Variants in NRG1 observed in about 807,000 individuals in gnomAD.
The protein encoded by NRG1 is neuregulin 1, also known as pro-neuregulin-1, membrane-bound isoform.
In NRG1, 18 loss-of-function variants were observed where a neutral mutation model predicts 63.8. The observed-to-expected ratio is 0.28, with a 90% CI of 0.19 to 0.42. The LOEUF is 0.42. Ranked by LOEUF, NRG1 falls within the 10% of genes least tolerant of loss-of-function variation. NRG1 has a pLI of 1.00. For missense variants in NRG1, 762 were observed against 814.7 expected (o/e 0.94, Z 0.79); for synonymous variants, 302 against 301.3 (o/e 1.00, Z -0.02).
chr8:31,900,087 G>A (rs774525482), intron 1 of NRG1, among the ~76,000 whole-genome samples: 10 of 152,162 alleles, frequency 6.6e-5, no homozygotes, highest in Non-Finnish European at 1.2e-4. Flanking sequence ...TGTAAATCTA[G>A]ACACAATGAG....
chr8:31,864,696 T>C (rs1828793583), intron 1 of NRG1, among the ~76,000 whole-genome samples: 1 of 152,126 alleles, frequency 6.6e-6, no homozygotes, highest in African/African-American at 2.4e-5. Flanking sequence ...AAATGTTTAG[T>C]TATTAACTTA....
chr8:32,034,418 TG>T (rs1345354710), intron 1 of NRG1, among the ~76,000 whole-genome samples: 1 of 152,220 alleles, frequency 6.6e-6, no homozygotes, highest in Non-Finnish European at 1.5e-5. Context: ...TTTCTTTTTT[TG>T]CTGTTATCTC....
intron 1 of NRG1, among the ~76,000 whole-genome samples, chr8:32,433,152 C>A (rs887602686): frequency 3.0e-4 from 46 of 152,136 alleles, no homozygotes; most frequent in African/African-American, 1.1e-3. Context: ...GTAGGACATA[C>A]TGGGGCCCTG....
At chr8:32,170,476 G>T (rs950985405) in intron 1 of NRG1, among the ~76,000 whole-genome samples, 1 of 152,146 alleles carries the variant, frequency 6.6e-6, no homozygotes, top group Non-Finnish European at 1.5e-5. Context: ...GTTGCCTCTG[G>T]TTGTGCAGAT....
chr8:32,070,155 A>G (rs1405590361), intron 1 of NRG1, among the ~76,000 whole-genome samples: 1 of 152,206 alleles, frequency 6.6e-6, no homozygotes, highest in Non-Finnish European at 1.5e-5. Flanking sequence ...TTAACAACAC[A>G]TTATATGCCA....
chr8:31,878,008 A>C (rs1414938146), intron 1 of NRG1, among the ~76,000 whole-genome samples: 1 of 152,240 alleles, frequency 6.6e-6, no homozygotes, highest in Non-Finnish European at 1.5e-5. Context: ...ATAAATTGAC[A>C]AAACTTATTT....
intron 1 of NRG1, among the ~76,000 whole-genome samples, chr8:32,144,386 G>GGTGTGTGT (rs58220737): frequency 1.4e-4 from 21 of 150,980 alleles, no homozygotes; most frequent in East Asian, 7.9e-4. Flanking sequence ...TGTTTATGGA[G>GGTGTGTGT]GTGTGTGTGT....
At chr8:32,180,821 A>G (rs1211871210) in intron 1 of NRG1, among the ~76,000 whole-genome samples, 2 of 152,016 alleles carry the variant, frequency 1.3e-5, no homozygotes, top group Non-Finnish European at 2.9e-5. Flanking sequence ...TTTTTTAACT[A>G]TAGTTAGCAT....
At chr8:32,065,662 T>C (rs1453727789) in intron 1 of NRG1, among the ~76,000 whole-genome samples, 1 of 152,204 alleles carries the variant, frequency 6.6e-6, no homozygotes, top group East Asian at 1.9e-4. Flanking sequence ...GCATGGGTCT[T>C]TATAGCAGCA....
intron 1 of NRG1, among the ~76,000 whole-genome samples, chr8:32,344,602 ATTTTTT>A (rs61448713): frequency 0.048 from 4,819 of 101,274 alleles, 76 homozygotes; most frequent in South Asian, 0.066. Context: ...ACACTCAGCT[ATTTTTT>A]TTTTTTTTTT....
intron 1 of NRG1, among the ~76,000 whole-genome samples, chr8:32,377,160 A>C (rs1029950811): frequency 1.1e-4 from 16 of 152,358 alleles, no homozygotes; most frequent in African/African-American, 3.6e-4. Flanking sequence ...AGAGTGTTCA[A>C]CATTTGAGTG....
chr8:32,662,304 G>A (rs183845482), intron 5 of NRG1, among the ~76,000 whole-genome samples: 59 of 152,312 alleles, frequency 3.9e-4, no homozygotes, highest in African/African-American at 1.4e-3. Flanking sequence ...CTGGGAAAAG[G>A]CCTTACTGCC....
intron 1 of NRG1, among the ~76,000 whole-genome samples, chr8:32,494,996 A>C (rs998177560): frequency 5.3e-5 from 8 of 152,186 alleles, no homozygotes; most frequent in Non-Finnish European, 1.0e-4. Context: ...AGAAAACTAC[A>C]AAAAAATACA....
chr8:32,498,056 C>G (rs1827422977), intron 1 of NRG1, among the ~76,000 whole-genome samples: 2 of 152,244 alleles, frequency 1.3e-5, no homozygotes, highest in South Asian at 4.2e-4. Flanking sequence ...CTCCTGACCT[C>G]AGGTCATCCA....
intron 7 of NRG1, 108 bp from the exon 8 acceptor site, chr8:32,754,264 T>G (rs1829258029): frequency 2.3e-6 from 2 of 872,426 alleles, no homozygotes; most frequent in Admixed American, 2.0e-5. Flanking sequence ...ATGTATTTAT[T>G]TTCTTGTGAA....
intron 1 of NRG1, among the ~76,000 whole-genome samples, chr8:32,210,728 A>G (rs953871603): frequency 1.2e-4 from 18 of 152,202 alleles, no homozygotes; most frequent in African/African-American, 3.9e-4. Context: ...GCTGCTCCCA[A>G]GATTTGATAA....
At chr8:31,677,603 C>T (rs924293588) in intron 1 of NRG1, among the ~76,000 whole-genome samples, 1 of 152,110 alleles carries the variant, frequency 6.6e-6, no homozygotes, top group Non-Finnish European at 1.5e-5. Context: ...GACCCTGTCT[C>T]AAAAAGTTCA....
intron 1 of NRG1, among the ~76,000 whole-genome samples, chr8:32,129,912 T>C (rs1309121000): frequency 6.6e-6 from 1 of 151,966 alleles, no homozygotes; most frequent in African/African-American, 2.4e-5. Context: ...CATCTGCCTT[T>C]TTCATATGTA....
chr8:32,634,802 C>G (rs376867015), intron 5 of NRG1, among the ~76,000 whole-genome samples: 24 of 152,132 alleles, frequency 1.6e-4, no homozygotes, highest in African/African-American at 5.8e-4. Context: ...TTCTTCCATA[C>G]TTTGTATCAG....
Sources: allele counts gnomAD v4.1 joint callset (sites outside exome capture counted in the v4.1 genomes callset), GRCh38; gene constraint gnomAD v4.1.1; transcripts MANE v1.5; gene names NCBI Gene and HGNC (gene_info 2026-07-23, HGNC 2026-07-21).